Variants in RORA observed in about 807,000 individuals in gnomAD.
RORA encodes the protein RAR related orphan receptor A.
A neutral mutation model predicts 69.5 loss-of-function variants in RORA; 7 were observed. The ratio of observed to expected loss-of-function variants is 0.10; its 90% confidence interval spans 0.06 to 0.19. The LOEUF (loss-of-function observed/expected upper bound fraction) is 0.19. Ranked by LOEUF, RORA falls within the 10% of genes least tolerant of loss-of-function variation. RORA has a pLI of 1.00. For synonymous variants in RORA, 261 were observed against 240.8 expected (o/e 1.08, Z -0.78); for missense variants, 457 against 663.0 (o/e 0.69, Z 3.41).
intron 1 of RORA, among the ~76,000 whole-genome samples, chr15:60,872,275 C>A (rs1595781266): frequency 6.6e-6 from 1 of 152,090 alleles, no homozygotes; most frequent in East Asian, 1.9e-4. Flanking sequence ...TTAGGAAGAT[C>A]ATATACAAAG....
intron 1 of RORA, among the ~76,000 whole-genome samples, chr15:60,857,673 C>T (rs2073395227): frequency 1.3e-5 from 2 of 152,192 alleles, no homozygotes; most frequent in African/African-American, 4.8e-5. Flanking sequence ...GTGCTATCAT[C>T]CAGCTAGCAG....
chr15:60,678,694 A>C lies in RORA; in HGVS notation c.167-8T>G. 4 of 1,610,818 alleles carry C rather than the reference A, an allele frequency of 2.5e-6. No homozygotes were observed. Among genetic ancestry groups the C allele is most frequent in the Non-Finnish European group, 3.4e-6 (4 of 1,177,032 alleles). ...TCTTCGTTACTGAGATACCTGGAAG[A>C]GAAGAAACAATAACATAGGTTAGAA... On this transcript the variant is annotated splice_region_variant and splice_polypyrimidine_tract_variant and intron_variant, in intron 1 of 10. Coordinates refer to ENST00000335670, the MANE Select transcript of RORA (RefSeq NM_134261.3).
At position 60,531,781 on chromosome 15, in the gene RORA, T is replaced by C; in HGVS notation, c.267A>G (p.Thr89=). The C allele has an allele frequency of 6.3e-7, 1 of 1,581,036 alleles. No individual in the cohort carries two copies. The highest frequency in any genetic ancestry group is 8.6e-7 in the Non-Finnish European group (1 of 1,160,984). Residue 89 remains threonine (T), a synonymous_variant, in exon 3 of 11, where the codon ACA becomes ACG. Transcript: ENST00000335670. This position sits in a 1 kb window ranked among gnomAD's most constrained non-coding sequence, Gnocchi z 4.8. ...KSSGIHYGVI[T]CEGCKGFFRR... is the part of the protein sequence containing the mutation. Reference sequence around the variant, plus strand: ...AAAGGCTTACCTTGCAGCCTTCACATGTAATGACACCATAATGGATTCCTG... The same window carrying C: ...AAAGGCTTACCTTGCAGCCTTCACACGTAATGACACCATAATGGATTCCTG...
At chr15:60,783,504 C>G (rs1215509407) in intron 1 of RORA, among the ~76,000 whole-genome samples, 1 of 152,114 alleles carries the variant, frequency 6.6e-6, no homozygotes, top group Non-Finnish European at 1.5e-5. Flanking sequence ...GGTGAGAACA[C>G]TTAAAACACA....
At chr15:61,048,811 C>T (rs75114686) in intron 1 of RORA, among the ~76,000 whole-genome samples, 206 of 152,234 alleles carry the variant, frequency 1.4e-3, no homozygotes, top group African/African-American at 4.8e-3. Flanking sequence ...CTTCAAGTGC[C>T]GGCCATTTCC....
chr15:60,618,026 G>A (rs929886829), intron 2 of RORA, among the ~76,000 whole-genome samples: 3 of 152,220 alleles, frequency 2.0e-5, no homozygotes, highest in Non-Finnish European at 2.9e-5. Context: ...GCTTGTAACC[G>A]AGGGCAATTT....
chr15:60,977,116 A>G (rs796197593), intron 1 of RORA, among the ~76,000 whole-genome samples: 2 of 16,328 alleles, frequency 1.2e-4, no homozygotes, highest in South Asian at 9.3e-4. Flanking sequence ...GATTGGAGGG[A>G]AAAAAAAAAA....
chr15:60,542,429 G>A, intron 2 of RORA, among the ~76,000 whole-genome samples: 1 of 149,296 alleles, frequency 6.7e-6, no homozygotes, highest in African/African-American at 2.6e-5. Context: ...CACCACAGAT[G>A]CACACCTCAC....
chr15:61,182,617 G>A (rs1443710003), intron 1 of RORA, among the ~76,000 whole-genome samples: 1 of 152,120 alleles, frequency 6.6e-6, no homozygotes, highest in South Asian at 2.1e-4. Context: ...AGGAGCTTGT[G>A]GTAAGTTTAA....
At chr15:60,503,395 T>TC (rs2065392489) in intron 7 of RORA, 140 bp downstream of exon 7, 1 of 734,614 alleles carries the variant, frequency 1.4e-6, no homozygotes, top group African/African-American at 1.8e-5. Flanking sequence ...TGAAAAGAAC[T>TC]CCATTTCTGC....
At chr15:60,540,628 G>A (rs1171838278) in intron 2 of RORA, among the ~76,000 whole-genome samples, 3 of 144,548 alleles carry the variant, frequency 2.1e-5, no homozygotes, top group Non-Finnish European at 3.0e-5. Flanking sequence ...GTGCAGAAAT[G>A]GGTCAAAATA....
chr15:60,734,378 A>G (rs1250671842), intron 1 of RORA, among the ~76,000 whole-genome samples: 1 of 151,750 alleles, frequency 6.6e-6, no homozygotes, highest in Non-Finnish European at 1.5e-5. Flanking sequence ...CTGGAGCTCC[A>G]CTGAAAAAAC....
chr15:60,726,751 C>T (rs2071362189), intron 1 of RORA, among the ~76,000 whole-genome samples: 1 of 152,054 alleles, frequency 6.6e-6, no homozygotes, highest in African/African-American at 2.4e-5. Context: ...GGGTTAATAG[C>T]TCATAAAATA....
At chr15:60,751,385 C>T (rs1018876815) in intron 1 of RORA, among the ~76,000 whole-genome samples, 5 of 152,142 alleles carry the variant, frequency 3.3e-5, no homozygotes, top group Non-Finnish European at 5.9e-5. Flanking sequence ...TTTAATTAAG[C>T]TTTGCTATTA....
intron 1 of RORA, among the ~76,000 whole-genome samples, chr15:61,008,201 C>G (rs1017151699): frequency 1.4e-4 from 15 of 106,594 alleles, no homozygotes; most frequent in South Asian, 3.1e-4. Flanking sequence ...TTCTCTCTCT[C>G]TCTGTGTGTG....
At chr15:60,933,836 G>T (rs956421693) in intron 1 of RORA, among the ~76,000 whole-genome samples, 3 of 152,152 alleles carry the variant, frequency 2.0e-5, no homozygotes, top group African/African-American at 7.2e-5. Flanking sequence ...AAAAGCAGAG[G>T]CACTGGTGCG....
chr15:60,763,501 G>A (rs2071931723), intron 1 of RORA, among the ~76,000 whole-genome samples: 1 of 152,104 alleles, frequency 6.6e-6, no homozygotes, highest in African/African-American at 2.4e-5. Flanking sequence ...AACTCTTGAC[G>A]AGATCTAAGG....
intron 2 of RORA, among the ~76,000 whole-genome samples, chr15:60,634,399 CT>C (rs10604472): frequency 0.45 from 63,994 of 142,454 alleles, 14,781 homozygotes; most frequent in East Asian, 0.74. Context: ...AGTGCTACCA[CT>C]TTTTTTTTTT....
intron 1 of RORA, among the ~76,000 whole-genome samples, chr15:61,109,970 A>G (rs2078988027): frequency 6.6e-6 from 1 of 152,252 alleles, no homozygotes; most frequent in African/African-American, 2.4e-5. Context: ...GCGGTCCCAC[A>G]GGATTATAAT....
Sources: allele counts gnomAD v4.1 joint callset (sites outside exome capture counted in the v4.1 genomes callset), GRCh38; gene constraint gnomAD v4.1.1; non-coding constraint Gnocchi (gnomAD v3.1); transcripts MANE v1.5; gene names NCBI Gene and HGNC (gene_info 2026-07-23, HGNC 2026-07-21).